The following MLLT6 variants were observed in gnomAD, a reference collection of about 807,000 sequenced individuals.
MLLT6 encodes protein AF-17.
Under a neutral mutation model 103.0 loss-of-function variants are expected in MLLT6, and 22 were observed. The ratio of observed to expected loss-of-function variants is 0.21; its 90% CI spans 0.15 to 0.31. The LOEUF is 0.31. MLLT6 is among the 10% of genes least tolerant of loss of function. The probability of loss-of-function intolerance (pLI) is 1.00; values close to 1 mark genes in which losing one functional copy is unlikely to be tolerated. For missense variants in MLLT6, 1,199 were observed against 1,441.7 expected (o/e 0.83, Z 2.73); for synonymous variants, 606 against 623.5 (o/e 0.97, Z 0.42).
At position 38,724,922 on chromosome 17, in the gene MLLT6, C is replaced by T; in HGVS notation, c.3186C>T (p.Asn1062=). 1.3e-6 allele frequency: 2 copies of T among 1,552,310 alleles called. No homozygotes were observed. The highest frequency in any genetic ancestry group is 1.9e-5 in the Admixed American group (1 of 51,320). ...CTCCAGTCCTCACTGCCCAGACCAA[C>T]CCCTTCCTCAGCCTGTCGGGAGCAG... ...GGPPVLTAQT[N]PFLSLSGAEG... Residue 1062 remains asparagine (N), a synonymous_variant, in exon 19 of 20, where the codon AAC becomes AAT. Transcript: ENST00000621332. The surrounding 1 kb of genome is among the most constrained non-coding windows in gnomAD (Gnocchi z 5.4).
intron 8 of MLLT6, 200 bp downstream of exon 8, chr17:38,712,989 A>G: frequency 1.3e-6 from 1 of 775,872 alleles, no homozygotes; most frequent in South Asian, 1.3e-5. Flanking sequence ...CAACCATGGG[A>G]TTGGGAGTTT....
At position 38,725,545 on chromosome 17, in the gene MLLT6, C is replaced by G. The variant is rs750690205; in HGVS notation, c.3241-12C>G. On this transcript the variant is annotated splice_polypyrimidine_tract_variant and intron_variant, in intron 19 of 19. Coordinates refer to ENST00000621332, the MANE Select transcript of MLLT6 (RefSeq NM_005937.4). ...CTTTCCACACCCCCGGCCTCCCTCC[C>G]TCTCTTTCCAGACCGCTGACAAAGG... 6.2e-7 allele frequency: 1 copy of G among 1,607,092 alleles called. No homozygotes were observed. The highest frequency in any genetic ancestry group is 2.3e-5 in the East Asian group (1 of 44,074).
chr17:38,711,471 C>T (rs142436067), intron 6 of MLLT6, among the ~76,000 whole-genome samples: 4 of 152,186 alleles, frequency 2.6e-5, no homozygotes, highest in African/African-American at 7.2e-5. Context: ...GTCCCCTGCA[C>T]GCCCTCTGCT....
In MLLT6 at chr17:38,715,465, C is replaced by T. The variant is rs978539482; in HGVS notation, c.820-147C>T. The T allele has an allele frequency of 6.6e-6, 9 of 1,367,378 alleles. No homozygotes were observed. In the African/African-American group the frequency reaches 1.3e-4, roughly 20 times the overall value. 84.7% of individuals were successfully genotyped at this position (1,367,378 alleles called of 1,614,324 possible). A position where few individuals can be genotyped will look rare whatever the true frequency, so the allele number is the denominator to read the frequency against. On this transcript the variant is annotated intron_variant, in intron 8 of 19. Transcript: ENST00000621332. ...ATATCCCTGGTCTAGGAGCTCCTGG[C>T]CACTCCCTGCCCGGAAGTCCTTCAT... is the stretch of plus-strand genomic sequence containing the variant.
intron 17 of MLLT6, 48 bp downstream of exon 17, chr17:38,722,275 C>T (rs981130312): frequency 1.5e-6 from 2 of 1,308,954 alleles, no homozygotes; most frequent in East Asian, 2.9e-5. Flanking sequence ...GGGGGGCTGG[C>T]TCTGGGAAGG....
chr17:38,723,535 T>G (rs374176466), intron 18 of MLLT6, among the ~76,000 whole-genome samples: 25 of 152,090 alleles, frequency 1.6e-4, no homozygotes, highest in East Asian at 5.8e-4. Flanking sequence ...AATCAACATT[T>G]TCATATAAAG....
At chr17:38,706,804 G>C (rs1904946038) in intron 1 of MLLT6, 146 bp from the exon 2 acceptor site, 1 of 596,498 alleles carries the variant, frequency 1.7e-6, no homozygotes, top group South Asian at 2.2e-5. Flanking sequence ...CAGTCCTGCT[G>C]TAGAGTGAGT....
In MLLT6 at chr17:38,727,362, G is replaced by C. The variant is rs1906095766; in HGVS notation, c.*1764G>C. 8.6e-6 allele frequency: 2 copies of C among 231,806 alleles called. No homozygotes were observed. The highest frequency in any genetic ancestry group is 2.2e-5 in the African/African-American group (1 of 45,212). The allele number at this position is 231,806 out of a possible 1,614,324, so 14.4% of individuals were successfully genotyped here. On this transcript the variant is annotated 3_prime_UTR_variant, in exon 20 of 20. Coordinates refer to ENST00000621332, the MANE Select transcript of MLLT6 (RefSeq NM_005937.4). ...TTTCTTAGGCACTTGCAAGGGCTTGGGGGAGGGGGAGGCAGTTGTGATGAC... is the reference window on the plus strand; with the variant it reads ...TTTCTTAGGCACTTGCAAGGGCTTGCGGGAGGGGGAGGCAGTTGTGATGAC...
Position 38,726,935 on chromosome 17 carries a change from C to G in MLLT6, c.*1337C>G, listed in dbSNP as rs1293265264. 4.3e-6 allele frequency: 1 copy of G among 233,686 alleles called. No individual in the cohort carries two copies. The highest frequency in any genetic ancestry group is 8.5e-6 in the Non-Finnish European group (1 of 118,120). The allele number at this position is 233,686 out of a possible 1,614,324, so 14.5% of individuals were successfully genotyped here. A position where few individuals can be genotyped will look rare whatever the true frequency, so the allele number is the denominator to read the frequency against. On this transcript the variant is annotated 3_prime_UTR_variant, in exon 20 of 20. Coordinates refer to ENST00000621332, the MANE Select transcript of MLLT6 (RefSeq NM_005937.4). ...TCACCTTCAAAGAGTCCCCGCCTGC[C>G]CAGGCCTTTGGCACAGAGGCTGAGT...
chr17:38,715,314 C>T (rs1023439337), intron 8 of MLLT6: 5 of 381,684 alleles, frequency 1.3e-5, no homozygotes, highest in African/African-American at 8.1e-5. Flanking sequence ...TCTCTTCAGA[C>T]TCTGGGACTG....
At chr17:38,719,172 C>A in intron 12 of MLLT6, 1 of 365,992 alleles carries the variant, frequency 2.7e-6, no homozygotes, top group Non-Finnish European at 5.0e-6. Flanking sequence ...CCCAAGGTCA[C>A]AAAAGTTGAT....
chr17:38,705,747 G>T lies in MLLT6; in HGVS notation c.109+6G>T. 1 of 1,375,240 alleles carries T rather than the reference G, an allele frequency of 7.3e-7. No homozygotes were observed. The highest frequency in any genetic ancestry group is 9.5e-7 in the Non-Finnish European group (1 of 1,050,600). 85.2% of individuals were successfully genotyped at this position (1,375,240 alleles called of 1,614,324 possible). On this transcript the variant is annotated splice_donor_region_variant and intron_variant, in intron 1 of 19. Coordinates refer to ENST00000621332, the MANE Select transcript of MLLT6 (RefSeq NM_005937.4). ...CAGCGTGGCCGTCCACCAAGGTACG[G>T]GGGTGGCCCGCGGGGGGCGGCGGGA...
chr17:38,715,637 C>A lies in MLLT6; in HGVS notation c.845C>A (p.Ser282Tyr). The A allele has an allele frequency of 1.2e-6, 2 of 1,613,570 alleles. No individual in the cohort carries two copies. Among genetic ancestry groups the A allele is most frequent in the Non-Finnish European group, 1.7e-6 (2 of 1,179,884 alleles). Residue 282 changes from serine to tyrosine, a missense_variant, in exon 9 of 20, where the codon TCC becomes TAC. This residue lies in a region of MLLT6 where 1,034 missense variants were observed against 1,091.5 expected (regional missense o/e 0.95). Transcript: ENST00000621332. ...GTCTCCTCCTCGGCTTCCTCTTCCT[C>A]CCACCACGAGGCCAGCACGCAGGAG... ...DKVSSSASSS[S>Y]HHEASTQETS... is the part of the protein sequence containing the mutation.
intron 14 of MLLT6, 52 bp from the exon 15 acceptor site, chr17:38,720,310 CGGTCCCCTGG>C: frequency 1.5e-6 from 1 of 668,642 alleles, no homozygotes; most frequent in Non-Finnish European, 2.6e-6. Context: ...GCCCCGCCCC[CGGTCCCCTGG>C]CCCCGCCTCC....
chr17:38,706,816 AC>A (rs1027624805), intron 1 of MLLT6, 133 bp from the exon 2 acceptor site: 3 of 630,952 alleles, frequency 4.8e-6, no homozygotes, highest in Admixed American at 5.8e-5. Context: ...AGAGTGAGTG[AC>A]CCGTAGACTG....
chr17:38,705,913 C>T, intron 1 of MLLT6, 172 bp downstream of exon 1: 1 of 280,046 alleles, frequency 3.6e-6, no homozygotes, highest in Middle Eastern at 1.0e-3. Flanking sequence ...AAGACCGGGT[C>T]AGGCATTGTT....
chr17:38,705,540 A>C lies in MLLT6; in HGVS notation c.-93A>C, dbSNP rs1476243661. On this transcript the variant is annotated 5_prime_UTR_variant, in exon 1 of 20. Coordinates refer to ENST00000621332, the MANE Select transcript of MLLT6 (RefSeq NM_005937.4). ...GGAGGGAGAGGAGGAGGGGGCGAGG[A>C]GGCGCGCGGCCCCCCGCTCCCTCCC... 7.7e-6 allele frequency: 4 copies of C among 520,438 alleles called. No individual in the cohort carries two copies. Among genetic ancestry groups the C allele is most frequent in the Non-Finnish European group, 1.0e-5 (3 of 298,086 alleles). 32.2% of individuals were successfully genotyped at this position (520,438 alleles called of 1,614,324 possible).
chr17:38,706,117 G>C (rs1278620570), intron 1 of MLLT6: 2 of 153,160 alleles, frequency 1.3e-5, no homozygotes, highest in Admixed American at 6.5e-5. Context: ...AGGTCAAGGG[G>C]GGGGCGTCAT....
intron 4 of MLLT6, chr17:38,708,191 G>A (rs1905011392): frequency 7.7e-6 from 3 of 388,236 alleles, no homozygotes; most frequent in East Asian, 5.3e-5. Context: ...GCTGGCACAC[G>A]CTGTTCGGTG....
Sources: allele counts gnomAD v4.1 joint callset (sites outside exome capture counted in the v4.1 genomes callset), GRCh38; gene constraint gnomAD v4.1.1; regional missense constraint gnomAD v4.1.1; non-coding constraint Gnocchi (gnomAD v3.1); transcripts MANE v1.5; gene names NCBI Gene and HGNC (gene_info 2026-07-23, HGNC 2026-07-21).